The following TEC variants were observed in gnomAD, a reference collection of about 807,000 sequenced individuals.
TEC encodes tyrosine-protein kinase Tec.
TEC carries 72 observed loss-of-function variants against 93.0 expected under a neutral mutation model. That is an observed-to-expected ratio of 0.77 (90% CI 0.64 to 0.94). The LOEUF (loss-of-function observed/expected upper bound fraction) is 0.94. TEC is among the 40% of genes least tolerant of loss of function. TEC has a pLI of 0.00. For missense variants in TEC, 630 were observed against 757.9 expected (o/e 0.83, Z 1.98); for synonymous variants, 249 against 247.7 (o/e 1.01, Z -0.05).
chr4:48,171,023 C>G (rs1049200094), intron 4 of TEC, among the ~76,000 whole-genome samples: 1 of 152,078 alleles, frequency 6.6e-6, no homozygotes, highest in South Asian at 2.1e-4. Context: ...TGCACTCCAG[C>G]CTGGGTGACA....
chr4:48,207,376 T>C (rs1013013017), intron 2 of TEC, among the ~76,000 whole-genome samples: 1 of 152,200 alleles, frequency 6.6e-6, no homozygotes, highest in Non-Finnish European at 1.5e-5. Flanking sequence ...ACAAACCCTG[T>C]GTGTCTCATT....
chr4:48,244,335 G>A (rs1403650352), intron 1 of TEC, among the ~76,000 whole-genome samples: 1 of 152,206 alleles, frequency 6.6e-6, no homozygotes, highest in Non-Finnish European at 1.5e-5. Context: ...CGTGGCTGGG[G>A]AAGCCTCACA....
intron 2 of TEC, among the ~76,000 whole-genome samples, chr4:48,220,599 G>A (rs1326699287): frequency 2.0e-5 from 3 of 152,132 alleles, no homozygotes; most frequent in Non-Finnish European, 2.9e-5. Flanking sequence ...CTGGCACCAT[G>A]CTATTTGTAC....
chr4:48,239,967 T>C (rs1476469641), intron 1 of TEC, among the ~76,000 whole-genome samples: 4 of 128,910 alleles, frequency 3.1e-5, no homozygotes, highest in Admixed American at 2.5e-4. Context: ...CAGTTGTTTA[T>C]GATTTGCTCT....
At chr4:48,215,276 G>T (rs1311710150) in intron 2 of TEC, among the ~76,000 whole-genome samples, 1 of 152,232 alleles carries the variant, frequency 6.6e-6, no homozygotes, top group African/African-American at 2.4e-5. Context: ...GGAGGCTGAG[G>T]TGGGTGGATC....
At position 48,156,730 on chromosome 4, in the gene TEC, AC is replaced by A; in HGVS notation, c.741del (p.Trp247CysfsTer6). ...KKSNNLDQYE[W>X]YCRNMNRSKA... ...TTGCTTCTATTCATATTTCTGCAATACCATCTGAACAGAAAAAACAATACAT... is the reference window on the plus strand; with the variant it reads ...TTGCTTCTATTCATATTTCTGCAATACATCTGAACAGAAAAAACAATACAT... On this transcript the variant is annotated frameshift_variant, in exon 9 of 18. Transcript: ENST00000381501. LOFTEE classifies it high-confidence loss of function. The A allele has an allele frequency of 1.2e-6, 2 of 1,608,066 alleles. No individual in the cohort carries two copies. Among genetic ancestry groups the A allele is most frequent in the Non-Finnish European group, 1.7e-6 (2 of 1,178,208 alleles).
intron 11 of TEC, among the ~76,000 whole-genome samples, chr4:48,149,175 T>C (rs1039695788): frequency 6.6e-6 from 1 of 152,216 alleles, no homozygotes; most frequent in African/African-American, 2.4e-5. Flanking sequence ...TTTATATTCC[T>C]TTGGGTATAT....
intron 2 of TEC, among the ~76,000 whole-genome samples, chr4:48,187,671 A>G (rs987473274): frequency 3.9e-5 from 6 of 152,150 alleles, no homozygotes; most frequent in African/African-American, 1.4e-4. Flanking sequence ...GCTAAAACCT[A>G]TCACCAGATG....
chr4:48,186,491 C>T (rs1229119091), intron 2 of TEC, among the ~76,000 whole-genome samples: 2 of 149,786 alleles, frequency 1.3e-5, no homozygotes, highest in East Asian at 2.0e-4. Flanking sequence ...ATGTGAGGAG[C>T]GCCTCTGCCT....
chr4:48,144,140 G>A (rs976603610), intron 14 of TEC, among the ~76,000 whole-genome samples: 5 of 152,078 alleles, frequency 3.3e-5, no homozygotes, highest in South Asian at 4.1e-4. Flanking sequence ...GCTTGAACCC[G>A]GGAGGTTGAG....
At chr4:48,265,522 T>A (rs867160041) in intron 1 of TEC, among the ~76,000 whole-genome samples, 2,621 of 145,930 alleles carry the variant, frequency 0.018, 25 homozygotes, top group Middle Eastern at 0.033. Flanking sequence ...TATATTTTTT[T>A]TTTTTTTTGA....
intron 2 of TEC, among the ~76,000 whole-genome samples, chr4:48,210,212 G>C (rs935855946): frequency 6.6e-6 from 1 of 152,128 alleles, no homozygotes; most frequent in Non-Finnish European, 1.5e-5. Flanking sequence ...GTCAGACTCG[G>C]TAGCTTATGC....
chr4:48,176,270 G>T, intron 2 of TEC, 84 bp from the exon 3 acceptor site: 2 of 1,002,462 alleles, frequency 2.0e-6, no homozygotes, highest in Non-Finnish European at 3.0e-6. Flanking sequence ...ATTTTGCTCT[G>T]ATTCAAAATA....
intron 2 of TEC, among the ~76,000 whole-genome samples, chr4:48,196,778 A>G (rs1722314481): frequency 6.6e-6 from 1 of 152,230 alleles, no homozygotes. Flanking sequence ...GTCTACCAAC[A>G]TCCACTCTTT....
chr4:48,136,871 C>T lies in TEC; in HGVS notation c.*545G>A, dbSNP rs1013579369. On this transcript the variant is annotated 3_prime_UTR_variant, in exon 18 of 18. Coordinates refer to ENST00000381501, the MANE Select transcript of TEC (RefSeq NM_003215.3). ...ATATATACAGCATACAAATATTGTT[C>T]ATGTAATACTAAGAGCAGTCTTGAA... 1 of 151,784 alleles carries T rather than the reference C, an allele frequency of 6.6e-6. No individual in the cohort carries two copies. Among genetic ancestry groups the T allele is most frequent in the Non-Finnish European group, 1.5e-5 (1 of 67,960 alleles). The allele number at this position is 151,784 out of a possible 1,614,324, so 9.4% of individuals were successfully genotyped here.
At chr4:48,180,230 T>C (rs1721529223) in intron 2 of TEC, among the ~76,000 whole-genome samples, 1 of 152,162 alleles carries the variant, frequency 6.6e-6, no homozygotes, top group East Asian at 1.9e-4. Context: ...GGACTGACTT[T>C]CTCCAAATAT....
intron 3 of TEC, among the ~76,000 whole-genome samples, chr4:48,175,095 T>C (rs939367219): frequency 6.6e-6 from 1 of 152,118 alleles, no homozygotes; most frequent in Non-Finnish European, 1.5e-5. Flanking sequence ...AGAGAAATGG[T>C]AGCTATAAAA....
chr4:48,160,975 T>A (rs1720634479), intron 8 of TEC, among the ~76,000 whole-genome samples: 2 of 152,014 alleles, frequency 1.3e-5, no homozygotes, highest in Admixed American at 1.3e-4. Context: ...ACTATACATC[T>A]AGAAATTAGG....
intron 1 of TEC, among the ~76,000 whole-genome samples, chr4:48,237,498 T>C (rs971285704): frequency 1.9e-4 from 29 of 152,102 alleles, no homozygotes; most frequent in African/African-American, 7.0e-4. Context: ...AGTTACCAAA[T>C]GATATTATGG....
Sources: allele counts gnomAD v4.1 joint callset (sites outside exome capture counted in the v4.1 genomes callset), GRCh38; gene constraint gnomAD v4.1.1; transcripts MANE v1.5; gene names NCBI Gene and HGNC (gene_info 2026-07-23, HGNC 2026-07-21).